The following RNF220 variants were observed in gnomAD, a reference collection of about 807,000 sequenced individuals.
The protein encoded by RNF220 is E3 ubiquitin-protein ligase RNF220.
RNF220 carries 7 observed loss-of-function variants against 67.1 expected under a neutral mutation model. That is an observed-to-expected ratio of 0.10 (90% CI 0.06 to 0.20). The LOEUF (loss-of-function observed/expected upper bound fraction) is 0.20. RNF220 is among the 10% of genes least tolerant of loss of function. The pLI, the probability that RNF220 is intolerant of heterozygous loss-of-function variation, is 1.00. For missense variants in RNF220, 565 were observed against 740.3 expected (o/e 0.76, Z 2.75); for synonymous variants, 270 against 283.2 (o/e 0.95, Z 0.47).
intron 3 of RNF220, among the ~76,000 whole-genome samples, chr1:44,615,482 A>G (rs908938110): frequency 3.9e-5 from 6 of 152,214 alleles, no homozygotes; most frequent in African/African-American, 1.4e-4. Context: ...CGCTCCTCCC[A>G]GTCCGACCCT....
chr1:44,567,818 G>A (rs1207414897), intron 2 of RNF220, among the ~76,000 whole-genome samples: 2 of 152,112 alleles, frequency 1.3e-5, no homozygotes, highest in Non-Finnish European at 2.9e-5. Context: ...ATGAAACTCA[G>A]TGTACCAGGC....
chr1:44,448,247 C>T (rs537243448), intron 2 of RNF220, among the ~76,000 whole-genome samples: 141 of 152,280 alleles, frequency 9.3e-4, no homozygotes, highest in Non-Finnish European at 1.6e-3. Flanking sequence ...TGCAGTGAGC[C>T]GAGATTGCCG....
At chr1:44,463,217 T>C (rs1331416867) in intron 2 of RNF220, among the ~76,000 whole-genome samples, 1 of 151,600 alleles carries the variant, frequency 6.6e-6, no homozygotes, top group Non-Finnish European at 1.5e-5. Context: ...ATGCCTGTAA[T>C]CCCAGCTCTT....
rs185495971 is a variant in RNF220 at position 44,414,006 on chromosome 1, T to C, written c.625+1284T>C. ...TTGTAAATCCATCGCTCTTTGGTTT[T>C]GAAATATGTTGCAAGTGTGTCTTTT... On this transcript the variant is annotated intron_variant, in intron 2 of 14. Transcript: ENST00000361799. Among the ~76,000 whole-genome samples, 414 of 152,302 alleles carry C rather than the reference T, an allele frequency of 2.7e-3. 3 individuals carry two copies. Among genetic ancestry groups the C allele is most frequent in the Admixed American group, 7.8e-3 (119 of 15,266 alleles).
intron 2 of RNF220, among the ~76,000 whole-genome samples, chr1:44,530,485 C>T (rs1660749016): frequency 6.9e-6 from 1 of 144,348 alleles, no homozygotes. Flanking sequence ...AATGCTGATA[C>T]ACAAAATCAA....
chr1:44,554,383 C>A (rs1662904929), intron 2 of RNF220, among the ~76,000 whole-genome samples: 1 of 152,044 alleles, frequency 6.6e-6, no homozygotes, highest in African/African-American at 2.4e-5. Context: ...TTCTCGCCTA[C>A]CCTTACTCCT....
intron 2 of RNF220, among the ~76,000 whole-genome samples, chr1:44,598,456 T>C (rs1367321937): frequency 6.6e-6 from 1 of 152,068 alleles, no homozygotes; most frequent in Non-Finnish European, 1.5e-5. Flanking sequence ...ATAAATCTCC[T>C]CCAGTCAGAG....
At position 44,574,953 on chromosome 1, in the gene RNF220, A is replaced by G. The variant is rs188615009; in HGVS notation, c.626-39212A>G. Among the ~76,000 whole-genome samples the G allele has an allele frequency of 2.0e-5, 3 of 152,284 alleles. No homozygotes were observed. In the East Asian group the frequency reaches 5.8e-4, roughly 29 times the overall value. ...TGTTACATGCATAGAATGTGCAATTACCAAATCAGGGTATTTAGGGTTTCC... is the reference window on the plus strand; with the variant it reads ...TGTTACATGCATAGAATGTGCAATTGCCAAATCAGGGTATTTAGGGTTTCC... On this transcript the variant is annotated intron_variant, in intron 2 of 14. Coordinates refer to ENST00000361799, the MANE Select transcript of RNF220 (RefSeq NM_018150.4).
chr1:44,457,200 A>G (rs1040110762), intron 2 of RNF220, among the ~76,000 whole-genome samples: 6 of 152,116 alleles, frequency 3.9e-5, no homozygotes, highest in Admixed American at 1.3e-4. Flanking sequence ...AAACAAATGA[A>G]CACACAAATA....
chr1:44,621,811 C>T lies in RNF220; in HGVS notation c.759-931C>T, dbSNP rs1445783926. 1.3e-5 allele frequency among the ~76,000 whole-genome samples: 2 copies of T among 152,196 alleles called. No individual in the cohort carries two copies. Among genetic ancestry groups the T allele is most frequent in the Non-Finnish European group, 2.9e-5 (2 of 68,050 alleles). On this transcript the variant is annotated intron_variant, in intron 3 of 14. Coordinates refer to ENST00000361799, the MANE Select transcript of RNF220 (RefSeq NM_018150.4). The surrounding 1 kb of genome is among the most constrained non-coding windows in gnomAD (Gnocchi z 4.8). ...TGCAGGTGTGCTGTACGTTATACCT[C>T]ATATGTGTGTCTGTGCAGGGACCCT...
At chr1:44,569,126 TAA>T (rs969275174) in intron 2 of RNF220, among the ~76,000 whole-genome samples, 2 of 152,160 alleles carry the variant, frequency 1.3e-5, no homozygotes, top group Non-Finnish European at 2.9e-5. Flanking sequence ...GTGTGGAAGC[TAA>T]AGAGAGGTTG....
chr1:44,463,934 A>G (rs569103568), intron 2 of RNF220, among the ~76,000 whole-genome samples: 2 of 152,266 alleles, frequency 1.3e-5, no homozygotes, highest in African/African-American at 2.4e-5. Context: ...TGAAGAGGAG[A>G]GGAAGAAGGT....
intron 2 of RNF220, among the ~76,000 whole-genome samples, chr1:44,479,827 C>G (rs975647057): frequency 1.3e-5 from 2 of 152,200 alleles, no homozygotes; most frequent in Non-Finnish European, 2.9e-5. Flanking sequence ...CTGAGTTTAT[C>G]ACTTTCTTGT....
chr1:44,502,124 A>T (rs1364968402), intron 2 of RNF220, among the ~76,000 whole-genome samples: 1 of 136,782 alleles, frequency 7.3e-6, no homozygotes, highest in Admixed American at 7.6e-5. Context: ...TGGCTGCAGT[A>T]TGATCCTTTG....
chr1:44,523,983 C>G (rs3862233), intron 2 of RNF220, among the ~76,000 whole-genome samples: 6,218 of 152,196 alleles, frequency 0.041, 364 homozygotes, highest in African/African-American at 0.12. Flanking sequence ...CATTGTGAGT[C>G]GAGATACCTG....
intron 2 of RNF220, among the ~76,000 whole-genome samples, chr1:44,485,497 C>T (rs1274818912): frequency 6.6e-6 from 1 of 152,138 alleles, no homozygotes. Flanking sequence ...ACCGAAATCA[C>T]TGTAGTAAAA....
chr1:44,620,888 C>T (rs546298911), intron 3 of RNF220, among the ~76,000 whole-genome samples: 1 of 148,932 alleles, frequency 6.7e-6, no homozygotes, highest in African/African-American at 2.5e-5. Flanking sequence ...CAGCTCTCAT[C>T]TAATCTGTGT....
At chr1:44,416,276 A>G (rs1648523872) in intron 2 of RNF220, among the ~76,000 whole-genome samples, 1 of 152,382 alleles carries the variant, frequency 6.6e-6, no homozygotes, top group Non-Finnish European at 1.5e-5. Flanking sequence ...CTCATTGTCC[A>G]GGGAAATAAT....
rs1414874928 is a variant in RNF220, at chr1:44,543,798, T to G, written c.626-70367T>G. 2.0e-5 allele frequency among the ~76,000 whole-genome samples: 3 copies of G among 152,010 alleles called. No individual in the cohort carries two copies. In the East Asian group the frequency reaches 5.8e-4, roughly 29 times the overall value. ...GCTGTGGGGGGAGATATCTCTGGGA[T>G]CTGCCTTCTTGAACCCCTCCCCCGT... On this transcript the variant is annotated intron_variant, in intron 2 of 14. Transcript: ENST00000361799.
Sources: allele counts gnomAD v4.1 joint callset (sites outside exome capture counted in the v4.1 genomes callset), GRCh38; gene constraint gnomAD v4.1.1; non-coding constraint Gnocchi (gnomAD v3.1); transcripts MANE v1.5; gene names NCBI Gene and HGNC (gene_info 2026-07-23, HGNC 2026-07-21).